The following SLC9B1 variants were observed in gnomAD, a reference collection of about 807,000 sequenced individuals.
The protein encoded by SLC9B1 is solute carrier family 9 member B1.
A neutral mutation model predicts 51.7 loss-of-function variants in SLC9B1; 32 were observed. The ratio of observed to expected loss-of-function variants is 0.62; its 90% CI spans 0.47 to 0.83. SLC9B1 has a LOEUF of 0.83. SLC9B1 is among the 40% of genes least tolerant of loss of function. The probability of loss-of-function intolerance (pLI) is 0.00; values close to 1 mark genes in which losing one functional copy is unlikely to be tolerated. For missense variants in SLC9B1, 406 were observed against 613.2 expected, an observed-to-expected ratio of 0.66 and a Z score of 3.57; for synonymous variants, 145 against 212.7, an observed-to-expected ratio of 0.68 and a Z score of 2.77.
intron 1 of SLC9B1, among the ~76,000 whole-genome samples, chr4:103,005,445 C>G (rs1456174828): frequency 6.6e-6 from 1 of 151,980 alleles, no homozygotes; most frequent in African/African-American, 2.4e-5. Flanking sequence ...CAGAAGCAAA[C>G]AGATTCATAA....
At chr4:103,002,660 C>T (rs1399883023) in intron 1 of SLC9B1, among the ~76,000 whole-genome samples, 1 of 151,988 alleles carries the variant, frequency 6.6e-6, no homozygotes, top group Non-Finnish European at 1.5e-5. Context: ...TAGAAATAGC[C>T]CATTGGAAAT....
intron 11 of SLC9B1, chr4:102,889,122 CCAG>C (rs1303649958): frequency 1.3e-5 from 2 of 152,076 alleles, no homozygotes; most frequent in Non-Finnish European, 2.9e-5. Flanking sequence ...ATCTTCATGA[CCAG>C]CAGCATGTAT....
At chr4:102,973,551 T>C (rs545876614) in intron 3 of SLC9B1, among the ~76,000 whole-genome samples, 1 of 152,276 alleles carries the variant, frequency 6.6e-6, no homozygotes, top group African/African-American at 2.4e-5. Flanking sequence ...AGGAAATATA[T>C]AGACTTCCAT....
At chr4:102,902,831 A>C (rs1281679793) in intron 11 of SLC9B1, among the ~76,000 whole-genome samples, 3 of 152,172 alleles carry the variant, frequency 2.0e-5, no homozygotes, top group Non-Finnish European at 4.4e-5. Context: ...TAATAGCTTC[A>C]TTTTTCCACT....
intron 1 of SLC9B1, among the ~76,000 whole-genome samples, chr4:103,009,851 T>C (rs1371678101): frequency 6.6e-6 from 1 of 152,170 alleles, no homozygotes; most frequent in Non-Finnish European, 1.5e-5. Flanking sequence ...TCTGAACAAA[T>C]GAATTTGAGA....
chr4:102,897,726 T>C (rs1243021578), downstream of SLC9B1: 1 of 465,796 alleles, frequency 2.1e-6, no homozygotes, highest in African/African-American at 2.0e-5. Context: ...CTACATTTAG[T>C]AGTAAGAGAC....
Position 103,019,598 on chromosome 4 carries a change from C to T in SLC9B1, c.-2+1G>A. ...GCGGCGTTAAGAAAAATGGGCCGTA[C>T]CTACAACTTCTTTCGCAGCCCTCGC... On this transcript the variant is annotated splice_donor_variant, in intron 1 of 11. Transcript: ENST00000296422. LOFTEE classifies it low-confidence loss of function (5UTR_SPLICE). The T allele has an allele frequency of 1.0e-6, 1 of 985,462 alleles. No individual in the cohort carries two copies. The highest frequency in any genetic ancestry group is 1.2e-6 in the Non-Finnish European group (1 of 829,948). 61.0% of individuals were successfully genotyped at this position (985,462 alleles called of 1,614,324 possible). A position where few individuals can be genotyped will look rare whatever the true frequency, so the allele number is the denominator to read the frequency against.
intron 3 of SLC9B1, among the ~76,000 whole-genome samples, chr4:102,959,395 G>C (rs1737974741): frequency 6.6e-6 from 1 of 152,136 alleles, no homozygotes; most frequent in African/African-American, 2.4e-5. Flanking sequence ...ACATAAATAG[G>C]TTTTGTTACA....
intron 11 of SLC9B1, among the ~76,000 whole-genome samples, chr4:102,902,380 TC>T (rs1734829495): frequency 6.6e-6 from 1 of 152,178 alleles, no homozygotes; most frequent in Non-Finnish European, 1.5e-5. Context: ...TAAAATGGTA[TC>T]ATTTTTATAT....
At chr4:102,904,175 C>T (rs1734918337) in intron 11 of SLC9B1, among the ~76,000 whole-genome samples, 1 of 151,818 alleles carries the variant, frequency 6.6e-6, no homozygotes, top group Non-Finnish European at 1.5e-5. Context: ...CCTCCTGCCT[C>T]AGCCCCCAAG....
chr4:102,910,316 C>T, intron 9 of SLC9B1, 123 bp downstream of exon 9: 2 of 752,114 alleles, frequency 2.7e-6, no homozygotes, highest in Non-Finnish European at 4.0e-6. Context: ...TTGATTCATA[C>T]ACTTTCTTGA....
At chr4:102,964,691 A>G (rs947536127) in intron 3 of SLC9B1, among the ~76,000 whole-genome samples, 12 of 152,184 alleles carry the variant, frequency 7.9e-5, no homozygotes, top group African/African-American at 2.9e-4. Flanking sequence ...ATAAAGGACA[A>G]AACCATATGA....
chr4:102,943,110 C>G (rs1737084032), intron 6 of SLC9B1, among the ~76,000 whole-genome samples: 1 of 148,558 alleles, frequency 6.7e-6, no homozygotes, highest in Non-Finnish European at 1.5e-5. Flanking sequence ...GAAATGCAAA[C>G]AAAACCACAA....
intron 3 of SLC9B1, among the ~76,000 whole-genome samples, chr4:102,955,833 GAA>G: frequency 7.1e-6 from 1 of 141,052 alleles, no homozygotes; most frequent in East Asian, 2.0e-4. Context: ...GTGGAAGAAA[GAA>G]AGAGAGAGAG....
chr4:102,964,634 G>A (rs72937432), intron 3 of SLC9B1, among the ~76,000 whole-genome samples: 1 of 152,218 alleles, frequency 6.6e-6, no homozygotes, highest in South Asian at 2.1e-4. Context: ...AATGTGAGGT[G>A]GTTGACTTAA....
At chr4:102,974,062 C>A (rs1013793761) in intron 3 of SLC9B1, among the ~76,000 whole-genome samples, 2 of 151,198 alleles carry the variant, frequency 1.3e-5, no homozygotes, top group Admixed American at 1.3e-4. Context: ...ATGGTGAAAC[C>A]CCCATCTCTA....
intron 7 of SLC9B1, among the ~76,000 whole-genome samples, chr4:102,922,900 T>C (rs577711457): frequency 1.3e-5 from 2 of 152,092 alleles, no homozygotes; most frequent in African/African-American, 4.8e-5. Context: ...GCTCTGAAAT[T>C]GAGGCAATAA....
chr4:102,964,283 G>T (rs928833093), intron 3 of SLC9B1, among the ~76,000 whole-genome samples: 8 of 151,518 alleles, frequency 5.3e-5, no homozygotes, highest in African/African-American at 1.9e-4. Context: ...TCAATATCAA[G>T]TAAAGAAATT....
intron 7 of SLC9B1, among the ~76,000 whole-genome samples, chr4:102,929,026 C>T (rs976915088): frequency 6.6e-5 from 10 of 152,070 alleles, no homozygotes; most frequent in Non-Finnish European, 1.3e-4. Flanking sequence ...TTTATGGTGC[C>T]GACCCACACT....
Sources: allele counts gnomAD v4.1 joint callset (sites outside exome capture counted in the v4.1 genomes callset), GRCh38; gene constraint gnomAD v4.1.1; transcripts MANE v1.5; gene names NCBI Gene and HGNC (gene_info 2026-07-23, HGNC 2026-07-21).